Variants in UNC5B observed in about 807,000 individuals in gnomAD.
UNC5B encodes unc-5 netrin receptor B, also known as netrin receptor UNC5B.
In UNC5B, 56 loss-of-function variants were observed where a neutral mutation model predicts 103.7. The observed-to-expected ratio is 0.54, with a 90% CI of 0.44 to 0.67. The LOEUF (loss-of-function observed/expected upper bound fraction) is 0.67. Among genes scored for constraint, UNC5B ranks in the 30% least tolerant of loss-of-function variants. The probability of loss-of-function intolerance (pLI) is 0.00; values close to 1 mark genes in which losing one functional copy is unlikely to be tolerated. For missense variants in UNC5B, 1,194 were observed against 1,284.5 expected, an observed-to-expected ratio of 0.93 and a Z score of 1.08; for synonymous variants, 577 against 542.0, an observed-to-expected ratio of 1.06 and a Z score of -0.90.
At chr10:71,251,381 G>A (rs777479388) in intron 1 of UNC5B, among the ~76,000 whole-genome samples, 30 of 152,138 alleles carry the variant, frequency 2.0e-4, no homozygotes, top group Admixed American at 6.5e-4. Context: ...TGATATAGTA[G>A]GTGGTAGGTA....
At position 71,253,250 on chromosome 10, in the gene UNC5B, C is replaced by T. The variant is rs564955179; in HGVS notation, c.80-26571C>T. Among the ~76,000 whole-genome samples, 17 of 152,324 alleles carry T rather than the reference C, an allele frequency of 1.1e-4. No homozygotes were observed. In the East Asian group the frequency reaches 3.3e-3, roughly 29 times the overall value. ...AGTATCAGAAGTGCCACAGCCCTGC[C>T]ATTAAAGGGGGCCACCACCTCCTTT... On this transcript the variant is annotated intron_variant, in intron 1 of 16. Transcript: ENST00000335350.
chr10:71,285,494 C>G, intron 4 of UNC5B, 65 bp downstream of exon 4: 3 of 1,394,180 alleles, frequency 2.2e-6, no homozygotes, highest in Non-Finnish European at 2.9e-6. Flanking sequence ...GCCAGGCAGG[C>G]ATGGTATTTA....
chr10:71,270,078 A>C (rs1274671854), intron 1 of UNC5B, among the ~76,000 whole-genome samples: 2 of 152,226 alleles, frequency 1.3e-5, no homozygotes, highest in African/African-American at 2.4e-5. Flanking sequence ...GGCCGGGTGC[A>C]GTGGCTCACG....
chr10:71,286,127 A>C (rs1285112900), intron 4 of UNC5B, among the ~76,000 whole-genome samples: 6 of 152,248 alleles, frequency 3.9e-5, no homozygotes, highest in Non-Finnish European at 8.8e-5. Context: ...ACAACCCTGC[A>C]AAGTGGATGT....
At chr10:71,257,424 C>G (rs1377431638) in intron 1 of UNC5B, among the ~76,000 whole-genome samples, 1 of 152,234 alleles carries the variant, frequency 6.6e-6, no homozygotes, top group Non-Finnish European at 1.5e-5. Flanking sequence ...CTCTCTTGCC[C>G]CCTTCCCCCT....
intron 14 of UNC5B, among the ~76,000 whole-genome samples, chr10:71,296,375 C>T (rs1168056469): frequency 1.3e-5 from 2 of 152,202 alleles, no homozygotes; most frequent in Admixed American, 6.5e-5. Context: ...TTCCCTCCCC[C>T]ACCTACCCAC....
chr10:71,233,768 C>G (rs1843725552), intron 1 of UNC5B, among the ~76,000 whole-genome samples: 1 of 152,186 alleles, frequency 6.6e-6, no homozygotes, highest in Non-Finnish European at 1.5e-5. Context: ...GCCTTTAATC[C>G]CCAGCACCAG....
At position 71,285,448 on chromosome 10, in the gene UNC5B, A is replaced by G. The variant is rs1203787219; in HGVS notation, c.552+19A>G. 6.4e-7 allele frequency: 1 copy of G among 1,560,156 alleles called. No homozygotes were observed. The highest frequency in any genetic ancestry group is 1.9e-5 in the Admixed American group (1 of 53,208). ...GGCCGAGGTGAGCGGGGACGTAGGG[A>G]CCACTGAGCACGGCCCTGTGGCCAT... is the stretch of plus-strand genomic sequence containing the variant. On this transcript the variant is annotated intron_variant, in intron 4 of 16. Coordinates refer to ENST00000335350, the MANE Select transcript of UNC5B (RefSeq NM_170744.5).
At position 71,297,117 on chromosome 10, in the gene UNC5B, T is replaced by C. The variant is rs192935085; in HGVS notation, c.2490+375T>C. Among the ~76,000 whole-genome samples the C allele has an allele frequency of 3.3e-5, 5 of 152,238 alleles. No individual in the cohort carries two copies. In the East Asian group the frequency reaches 9.7e-4, roughly 29 times the overall value. ...GAGGGCCAGAGGATACCTCTAGGGTTTGGGGCTGGGCTGCAGCACACAGAA... is the reference window on the plus strand; with the variant it reads ...GAGGGCCAGAGGATACCTCTAGGGTCTGGGGCTGGGCTGCAGCACACAGAA... On this transcript the variant is annotated intron_variant, in intron 15 of 16. Coordinates refer to ENST00000335350, the MANE Select transcript of UNC5B (RefSeq NM_170744.5).
intron 1 of UNC5B, among the ~76,000 whole-genome samples, chr10:71,241,468 G>A (rs542757754): frequency 6.6e-6 from 1 of 152,318 alleles, no homozygotes; most frequent in South Asian, 2.1e-4. Context: ...CTGGGTTAGT[G>A]CTGTCTCCAG....
chr10:71,266,885 T>G (rs1052458792), intron 1 of UNC5B, among the ~76,000 whole-genome samples: 2 of 152,194 alleles, frequency 1.3e-5, no homozygotes, highest in Non-Finnish European at 2.9e-5. Context: ...AGTAGCATGA[T>G]GGAATCTCCC....
chr10:71,279,341 G>C (rs1378781661), intron 1 of UNC5B, among the ~76,000 whole-genome samples: 3 of 152,184 alleles, frequency 2.0e-5, no homozygotes, highest in Admixed American at 6.5e-5. Flanking sequence ...AGCCTGGCAG[G>C]GGCTGCAAAG....
chr10:71,263,395 C>T (rs1197364091), intron 1 of UNC5B, among the ~76,000 whole-genome samples: 3 of 152,096 alleles, frequency 2.0e-5, no homozygotes, highest in African/African-American at 4.8e-5. Context: ...TGCCACTTTT[C>T]GGGATGCCCC....
rs115553708 is a variant in UNC5B, at chr10:71,292,355, T to G, written c.1685-112T>G. The G allele has an allele frequency of 1.6e-3, 1,397 of 892,288 alleles. 6 individuals carry two copies. In the African/African-American group the frequency reaches 0.021, roughly 13 times the overall value. 55.3% of individuals were successfully genotyped at this position (892,288 alleles called of 1,614,324 possible). On this transcript the variant is annotated intron_variant, in intron 10 of 16. Coordinates refer to ENST00000335350, the MANE Select transcript of UNC5B (RefSeq NM_170744.5). ...CTGTCTCCCACCCCTGGCTGGGGAC[T>G]ACCTGGAGCTCAGGAGATATCTTTC...
intron 1 of UNC5B, 100 bp from the exon 2 acceptor site, chr10:71,279,721 C>T (rs1283847038): frequency 1.5e-6 from 2 of 1,329,274 alleles, no homozygotes; most frequent in African/African-American, 1.5e-5. Flanking sequence ...CCTCTGCCTC[C>T]CCTGTCCTCT....
In UNC5B at chr10:71,213,821, A is replaced by C. The variant is rs1157700719; in HGVS notation, c.79+757A>C. On this transcript the variant is annotated intron_variant, in intron 1 of 16. Coordinates refer to ENST00000335350, the MANE Select transcript of UNC5B (RefSeq NM_170744.5). This position sits in a 1 kb window ranked among gnomAD's most constrained non-coding sequence, Gnocchi z 4.1. ...GAGTTTCCTTTTAAATTGGTCACTG[A>C]CATTCTCGCTGTCCGGGGAACAGAC... 6.6e-6 allele frequency among the ~76,000 whole-genome samples: 1 copy of C among 150,406 alleles called. No homozygotes were observed. Among genetic ancestry groups the C allele is most frequent in the Non-Finnish European group, 1.5e-5 (1 of 67,834 alleles).
chr10:71,288,462 G>A, intron 6 of UNC5B, 106 bp from the exon 7 acceptor site: 1 of 1,470,160 alleles, frequency 6.8e-7, no homozygotes. Context: ...TCCTTCCATG[G>A]TGTGTATGCA....
rs185986319 is a variant in UNC5B, at chr10:71,213,470, C to A, written c.79+406C>A. ...CTCGCTGCCGTACGCCGGTAACTTA[C>A]TAGTCTGGTCCCGGCTCGCCTAGGC... On this transcript the variant is annotated intron_variant, in intron 1 of 16. Coordinates refer to ENST00000335350, the MANE Select transcript of UNC5B (RefSeq NM_170744.5). The surrounding 1 kb of genome is among the most constrained non-coding windows in gnomAD (Gnocchi z 4.1). 6.6e-6 allele frequency among the ~76,000 whole-genome samples: 1 copy of A among 152,156 alleles called. No homozygotes were observed. The highest frequency in any genetic ancestry group is 6.5e-5 in the Admixed American group (1 of 15,282).
intron 9 of UNC5B, 132 bp downstream of exon 9, chr10:71,291,241 TG>T: frequency 7.5e-7 from 1 of 1,332,600 alleles, no homozygotes; most frequent in South Asian, 1.4e-5. Context: ...GAGATAACTA[TG>T]TGGATGGGTA....
Sources: gnomAD v4.1 joint callset for allele counts (sites outside exome capture counted in the v4.1 genomes callset) on GRCh38, gnomAD v4.1.1 for gene constraint, Gnocchi (gnomAD v3.1) non-coding constraint, MANE v1.5 for transcripts, NCBI Gene and HGNC (gene_info 2026-07-23, HGNC 2026-07-21) for gene names.